MLLT10: variants seen among roughly 807,000 people sequenced by gnomAD.
MLLT10 encodes the protein MLLT10 histone lysine methyltransferase DOT1L cofactor.
In MLLT10, 30 loss-of-function variants were observed where a neutral mutation model predicts 129.1. The observed-to-expected ratio is 0.23, with a 90% confidence interval of 0.17 to 0.32. MLLT10 has a LOEUF of 0.32. Ranked by LOEUF, MLLT10 falls within the 10% of genes least tolerant of loss-of-function variation. The probability of loss-of-function intolerance (pLI) is 1.00; values close to 1 mark genes in which losing one functional copy is unlikely to be tolerated. For synonymous variants in MLLT10, 490 were observed against 446.4 expected (o/e 1.10, Z -1.23); for missense variants, 1,119 against 1,268.3 (o/e 0.88, Z 1.79).
chr10:21,601,275 A>G (rs913897202), intron 5 of MLLT10, among the ~76,000 whole-genome samples: 5 of 152,018 alleles, frequency 3.3e-5, no homozygotes, highest in African/African-American at 1.2e-4. Context: ...TGTCAACTTG[A>G]TATATTATTT....
intron 16 of MLLT10, among the ~76,000 whole-genome samples, chr10:21,728,255 C>G (rs1194156966): frequency 6.6e-6 from 1 of 152,108 alleles, no homozygotes; most frequent in African/African-American, 2.4e-5. Context: ...CCAAGACTTT[C>G]AAGTTTGGGT....
chr10:21,586,256 G>A lies in MLLT10; in HGVS notation c.241-38G>A, dbSNP rs202184436. 2.2e-4 allele frequency: 325 copies of A among 1,467,868 alleles called. 2 individuals carry two copies. In the East Asian group the frequency reaches 7.6e-3, roughly 34 times the overall value. The allele number at this position is 1,467,868 out of a possible 1,614,324, so 90.9% of individuals were successfully genotyped here. On this transcript the variant is annotated intron_variant, in intron 3 of 22. Coordinates refer to ENST00000307729, the MANE Select transcript of MLLT10 (RefSeq NM_001195626.3). The stretch of plus-strand genomic sequence containing the variant: ...GAAGATACTACATTTTTGATAATCT[G>A]AAATATTCATTACCTGTTTCTTTTT...
chr10:21,681,467 T>G, intron 12 of MLLT10, 91 bp downstream of exon 12: 1 of 849,820 alleles, frequency 1.2e-6, no homozygotes, highest in Non-Finnish European at 1.9e-6. Context: ...CCTCTAAATT[T>G]TAATATTCCA....
At chr10:21,551,908 C>T in intron 3 of MLLT10, 1 of 328,082 alleles carries the variant, frequency 3.0e-6, no homozygotes, top group Non-Finnish European at 5.9e-6. Flanking sequence ...GATTCTCCTG[C>T]CTCAGCCTCC....
chr10:21,643,072 A>T (rs561995804), intron 8 of MLLT10, among the ~76,000 whole-genome samples: 1 of 151,968 alleles, frequency 6.6e-6, no homozygotes, highest in African/African-American at 2.4e-5. Context: ...TCACTCTGTC[A>T]CCCAGGCTGG....
At chr10:21,688,179 C>G (rs778807362) in intron 13 of MLLT10, among the ~76,000 whole-genome samples, 3 of 152,114 alleles carry the variant, frequency 2.0e-5, no homozygotes, top group Non-Finnish European at 2.9e-5. Context: ...GAAAATGAAT[C>G]TACACTCTTT....
intron 8 of MLLT10, chr10:21,626,054 A>G (rs1197463224): frequency 9.1e-6 from 13 of 1,435,132 alleles, no homozygotes; most frequent in Non-Finnish European, 1.3e-5. Context: ...TCTCTCAAGC[A>G]AGGCCTTGAT....
At chr10:21,733,718 G>A (rs751681341) in intron 19 of MLLT10, 50 bp from the exon 20 acceptor site, 17 of 1,549,904 alleles carry the variant, frequency 1.1e-5, no homozygotes, top group South Asian at 3.8e-5. Context: ...TCTTTCTTAC[G>A]CTGGGACTTA....
intron 3 of MLLT10, among the ~76,000 whole-genome samples, chr10:21,551,113 G>A (rs187714821): frequency 2.6e-5 from 4 of 151,428 alleles, no homozygotes; most frequent in African/African-American, 7.3e-5. Flanking sequence ...TTTTAGTAGA[G>A]ACGGGGTTTC....
chr10:21,584,775 GTGTA>G (rs1025856309), intron 3 of MLLT10, among the ~76,000 whole-genome samples: 3 of 151,486 alleles, frequency 2.0e-5, no homozygotes, highest in African/African-American at 7.3e-5. Flanking sequence ...TAAAGTATGT[GTGTA>G]TGTGTGTATA....
At chr10:21,584,473 AT>A (rs1054394497) in intron 3 of MLLT10, among the ~76,000 whole-genome samples, 3 of 150,690 alleles carry the variant, frequency 2.0e-5, no homozygotes, top group African/African-American at 2.4e-5. Flanking sequence ...AATAGGCTCT[AT>A]TTTTTTTTAA....
At chr10:21,607,123 C>T (rs142004644) in intron 5 of MLLT10, among the ~76,000 whole-genome samples, 4,204 of 152,122 alleles carry the variant, frequency 0.028, 192 homozygotes, top group African/African-American at 0.095. Flanking sequence ...CCACAACCAC[C>T]ACCTCAGTGA....
intron 13 of MLLT10, among the ~76,000 whole-genome samples, chr10:21,687,028 G>C (rs183086488): frequency 1.3e-5 from 2 of 152,146 alleles, no homozygotes; most frequent in Admixed American, 1.3e-4. Flanking sequence ...ACTTAGATCA[G>C]TTTTCACAGC....
At chr10:21,740,715 A>T (rs781285020) in intron 22 of MLLT10, among the ~76,000 whole-genome samples, 4 of 152,358 alleles carry the variant, frequency 2.6e-5, no homozygotes, top group South Asian at 4.1e-4. Context: ...AATGGAATTC[A>T]AATTTTTAGT....
At chr10:21,579,075 A>G (rs570577514) in intron 3 of MLLT10, among the ~76,000 whole-genome samples, 1 of 152,140 alleles carries the variant, frequency 6.6e-6, no homozygotes, top group African/African-American at 2.4e-5. Flanking sequence ...TCTTTCTTTT[A>G]TCTGAAAGTA....
chr10:21,579,405 C>G (rs1279373237), intron 3 of MLLT10, among the ~76,000 whole-genome samples: 1 of 151,812 alleles, frequency 6.6e-6, no homozygotes, highest in Non-Finnish European at 1.5e-5. Flanking sequence ...ATCGTTTCTT[C>G]AAAATTTTCT....
At chr10:21,669,496 G>T (rs967539546) in intron 9 of MLLT10, among the ~76,000 whole-genome samples, 1 of 152,006 alleles carries the variant, frequency 6.6e-6, no homozygotes, top group Non-Finnish European at 1.5e-5. Flanking sequence ...AGAGATTTTA[G>T]ATAGATACAA....
chr10:21,732,106 C>T (rs937478442), intron 17 of MLLT10, among the ~76,000 whole-genome samples: 10 of 152,212 alleles, frequency 6.6e-5, no homozygotes, highest in Admixed American at 2.0e-4. Context: ...CCATGGGAAA[C>T]GGCCAGATGT....
At position 21,595,489 on chromosome 10, in the gene MLLT10, T is replaced by G. The variant is rs766483233; in HGVS notation, c.405+49T>G. On this transcript the variant is annotated intron_variant, in intron 5 of 22. Transcript: ENST00000307729. The stretch of plus-strand genomic sequence containing the variant: ...CTGTTTGAATATCACTACTGGGAAG[T>G]AGAAAGGAAGTTTTTGTGTTTTTAA... 3.5e-6 allele frequency: 5 copies of G among 1,426,236 alleles called. No homozygotes were observed. The Admixed American group carries it at 9.8e-5, about 28-fold the overall frequency. 88.3% of individuals were successfully genotyped at this position (1,426,236 alleles called of 1,614,324 possible).
Sources: allele counts gnomAD v4.1 joint callset (sites outside exome capture counted in the v4.1 genomes callset), GRCh38; gene constraint gnomAD v4.1.1; transcripts MANE v1.5; gene names NCBI Gene and HGNC (gene_info 2026-07-23, HGNC 2026-07-21).